ZNF609: variants seen among roughly 807,000 people sequenced by gnomAD.
ZNF609 encodes zinc finger protein 609.
A neutral mutation model predicts 109.5 loss-of-function variants in ZNF609; 11 were observed. The observed-to-expected ratio is 0.10, with a 90% CI of 0.06 to 0.17. ZNF609 has a LOEUF of 0.17. Among genes scored for constraint, ZNF609 ranks in the 10% least tolerant of loss-of-function variants. ZNF609 has a pLI of 1.00. For synonymous variants in ZNF609, 646 were observed against 662.0 expected (o/e 0.98, Z 0.37); for missense variants, 1,559 against 1,772.4 (o/e 0.88, Z 2.16).
intron 2 of ZNF609, among the ~76,000 whole-genome samples, chr15:64,516,584 C>T (rs1352171509): frequency 6.6e-6 from 1 of 152,102 alleles, no homozygotes; most frequent in African/African-American, 2.4e-5. Flanking sequence ...CACCATGTCG[C>T]CCAGGCTGGT....
chr15:64,623,849 C>A (rs61022731), intron 3 of ZNF609, among the ~76,000 whole-genome samples: 4,912 of 152,250 alleles, frequency 0.032, 133 homozygotes, highest in African/African-American at 0.069. Context: ...GAATCCAAAT[C>A]CTTGTCAGAG....
chr15:64,560,339 C>T (rs1292797089), intron 2 of ZNF609, among the ~76,000 whole-genome samples: 1 of 151,964 alleles, frequency 6.6e-6, no homozygotes, highest in Non-Finnish European at 1.5e-5. Flanking sequence ...AGCCACCACA[C>T]CCAGCGTCTC....
At chr15:64,548,689 G>A (rs1378550893) in intron 2 of ZNF609, among the ~76,000 whole-genome samples, 2 of 152,138 alleles carry the variant, frequency 1.3e-5, no homozygotes, top group African/African-American at 4.8e-5. Context: ...TTGAGCTCAG[G>A]AGGTTGAGGC....
At chr15:64,529,950 G>C (rs1894033977) in intron 2 of ZNF609, among the ~76,000 whole-genome samples, 2 of 151,064 alleles carry the variant, frequency 1.3e-5, no homozygotes, top group Non-Finnish European at 2.9e-5. Context: ...GGCTGGTCTT[G>C]AACTGCCGAC....
intron 3 of ZNF609, among the ~76,000 whole-genome samples, chr15:64,660,823 C>T (rs1896564649): frequency 6.6e-6 from 1 of 152,210 alleles, no homozygotes; most frequent in African/African-American, 2.4e-5. Context: ...TTACAGGTTT[C>T]TCTGCTTGAA....
At chr15:64,576,927 TATATATACATATAA>T (rs1463245243) in intron 2 of ZNF609, among the ~76,000 whole-genome samples, 3 of 133,492 alleles carry the variant, frequency 2.2e-5, no homozygotes, top group African/African-American at 7.8e-5. Context: ...CATATATGTG[TATATATACATATAA>T]ATATATACAT....
At chr15:64,654,535 A>C (rs1595753764) in intron 3 of ZNF609, 1 of 152,004 alleles carries the variant, frequency 6.6e-6, no homozygotes, top group Non-Finnish European at 1.5e-5. Flanking sequence ...TCCTGGCCTC[A>C]AGCAATCCTT....
chr15:64,606,261 A>G (rs1895598006), intron 2 of ZNF609, among the ~76,000 whole-genome samples: 1 of 149,878 alleles, frequency 6.7e-6, no homozygotes, highest in East Asian at 2.1e-4. Context: ...ACCCGCCACC[A>G]TGCCTGGCTA....
At chr15:64,553,306 AATTGCATTGAATCTATCAATAAAT>A (rs1894517242) in intron 2 of ZNF609, among the ~76,000 whole-genome samples, 1 of 150,106 alleles carries the variant, frequency 6.7e-6, no homozygotes, top group African/African-American at 2.4e-5. Flanking sequence ...CTTTAATTGG[AATTGCATTGAATCTATCAATAAAT>A]ATGGAGAGAA....
intron 1 of ZNF609, among the ~76,000 whole-genome samples, chr15:64,471,999 C>G (rs1183206809): frequency 6.6e-6 from 1 of 152,142 alleles, no homozygotes; most frequent in East Asian, 1.9e-4. Context: ...CATCCTCAGC[C>G]TCCTGGGTTC....
At chr15:64,680,901 T>C (rs1332418071) in intron 8 of ZNF609, 39 bp downstream of exon 8, 1 of 1,597,350 alleles carries the variant, frequency 6.3e-7, no homozygotes. Flanking sequence ...TTTTGTCTTG[T>C]TTTGTTTTGT....
rs200173247 is a variant in ZNF609, at chr15:64,487,122, G to T, written c.-127-12171G>T. The stretch of plus-strand genomic sequence containing the variant: ...TTAATATCATTACTTAATTTTTTTT[G>T]ATTTGTTTTTATATCCCTATTTCTG... On this transcript the variant is annotated intron_variant, in intron 1 of 9. Coordinates refer to ENST00000326648, the MANE Select transcript of ZNF609 (RefSeq NM_015042.2). Among the ~76,000 whole-genome samples the T allele has an allele frequency of 6.9e-4, 105 of 151,702 alleles. 2 individuals are homozygous for T. The East Asian group carries it at 8.5e-3, about 12-fold the overall frequency.
At chr15:64,639,533 C>T (rs1006915299) in intron 3 of ZNF609, among the ~76,000 whole-genome samples, 3 of 152,176 alleles carry the variant, frequency 2.0e-5, no homozygotes, top group Non-Finnish European at 4.4e-5. Flanking sequence ...ACATGGCTGT[C>T]TTCCCTCTTT....
At chr15:64,581,801 T>G (rs1215820188) in intron 2 of ZNF609, among the ~76,000 whole-genome samples, 1 of 152,194 alleles carries the variant, frequency 6.6e-6, no homozygotes, top group Non-Finnish European at 1.5e-5. Context: ...TGCTCTTAGA[T>G]TGTTGTAAGC....
intron 2 of ZNF609, among the ~76,000 whole-genome samples, chr15:64,601,951 T>C (rs1383061218): frequency 1.3e-5 from 2 of 152,210 alleles, no homozygotes; most frequent in African/African-American, 4.8e-5. Context: ...ACTTAATAAC[T>C]AGGTAATTGC....
chr15:64,611,736 CTTT>C (rs908372761), intron 2 of ZNF609, among the ~76,000 whole-genome samples: 1 of 143,414 alleles, frequency 7.0e-6, no homozygotes. Flanking sequence ...ATTTTCTTTT[CTTT>C]TTTTTTTTTT....
chr15:64,585,197 C>T (rs773316114), intron 2 of ZNF609, among the ~76,000 whole-genome samples: 7 of 151,940 alleles, frequency 4.6e-5, no homozygotes, highest in South Asian at 2.1e-4. Context: ...TGGTGATGCA[C>T]GCCTGTAATT....
chr15:64,519,020 C>T (rs1893854480), intron 2 of ZNF609, among the ~76,000 whole-genome samples: 3 of 149,452 alleles, frequency 2.0e-5, no homozygotes, highest in Admixed American at 6.9e-5. Flanking sequence ...CAATCATATG[C>T]ACATCTATCA....
At chr15:64,486,389 C>T (rs775038099) in intron 1 of ZNF609, among the ~76,000 whole-genome samples, 58 of 151,850 alleles carry the variant, frequency 3.8e-4, no homozygotes, top group African/African-American at 1.3e-3. Context: ...CCGGGTGTGG[C>T]GACGTGCGCC....
Sources: allele counts gnomAD v4.1 joint callset (sites outside exome capture counted in the v4.1 genomes callset), GRCh38; gene constraint gnomAD v4.1.1; transcripts MANE v1.5; gene names NCBI Gene and HGNC (gene_info 2026-07-23, HGNC 2026-07-21).